PRKG1: variants seen among roughly 807,000 people sequenced by gnomAD.
PRKG1 encodes protein kinase cGMP-dependent 1.
PRKG1 carries 35 observed loss-of-function variants against 88.1 expected under a neutral mutation model. That is an observed-to-expected ratio of 0.40 (90% confidence interval 0.30 to 0.53). The LOEUF (loss-of-function observed/expected upper bound fraction) is 0.53, where lower values mean the gene tolerates loss of function less well. PRKG1 is among the 20% of genes least tolerant of loss of function. The pLI, the probability that PRKG1 is intolerant of heterozygous loss-of-function variation, is 0.59. For synonymous variants in PRKG1, 303 were observed against 292.5 expected, an observed-to-expected ratio of 1.04 and a Z score of -0.37; for missense variants, 540 against 839.8, an observed-to-expected ratio of 0.64 and a Z score of 4.41.
intron 3 of PRKG1, among the ~76,000 whole-genome samples, chr10:51,776,694 A>G (rs1264435896): frequency 2.0e-5 from 3 of 151,988 alleles, no homozygotes; most frequent in East Asian, 1.9e-4. Context: ...GTGTGGTGGG[A>G]CACACCTGTT....
At chr10:51,799,648 A>G (rs539453114) in intron 3 of PRKG1, among the ~76,000 whole-genome samples, 1 of 152,118 alleles carries the variant, frequency 6.6e-6, no homozygotes, top group South Asian at 2.1e-4. Flanking sequence ...CAGGGAACTC[A>G]GGGAAATGGC....
chr10:51,503,199 C>T (rs1302529700), intron 3 of PRKG1, among the ~76,000 whole-genome samples: 1 of 152,100 alleles, frequency 6.6e-6, no homozygotes, highest in Non-Finnish European at 1.5e-5. Context: ...CTCACTCTGC[C>T]ACCATCATCT....
chr10:51,094,523 C>T (rs1287098902), intron 1 of PRKG1, among the ~76,000 whole-genome samples: 1 of 151,880 alleles, frequency 6.6e-6, no homozygotes, highest in Non-Finnish European at 1.5e-5. Flanking sequence ...CTTTGGATCC[C>T]AGTGTGCTTT....
intron 5 of PRKG1, among the ~76,000 whole-genome samples, chr10:51,920,366 C>T (rs1195766924): frequency 6.6e-6 from 1 of 152,120 alleles, no homozygotes; most frequent in Non-Finnish European, 1.5e-5. Flanking sequence ...GAGAGCTGAA[C>T]TGTTGTCAGT....
chr10:52,041,670 T>C (rs897128051), intron 5 of PRKG1, among the ~76,000 whole-genome samples: 1 of 152,178 alleles, frequency 6.6e-6, no homozygotes, highest in Non-Finnish European at 1.5e-5. Context: ...GGCCTGTTTA[T>C]ATTTGCTATT....
intron 3 of PRKG1, among the ~76,000 whole-genome samples, chr10:51,776,814 G>A (rs1240198179): frequency 6.6e-6 from 1 of 152,112 alleles, no homozygotes; most frequent in African/African-American, 2.4e-5. Context: ...GACAGAGCAA[G>A]ACTCTGTCTC....
intron 4 of PRKG1, among the ~76,000 whole-genome samples, chr10:51,874,784 C>T (rs1373483466): frequency 6.6e-6 from 1 of 152,144 alleles, no homozygotes; most frequent in Non-Finnish European, 1.5e-5. Context: ...CACTTACCAG[C>T]TGTTTGGGAA....
intron 7 of PRKG1, among the ~76,000 whole-genome samples, chr10:52,073,566 C>A (rs1465845564): frequency 6.6e-6 from 1 of 152,152 alleles, no homozygotes; most frequent in African/African-American, 2.4e-5. Context: ...TTTGTAGTAA[C>A]ATTTTGTAAT....
chr10:51,211,334 C>T (rs1444342891), intron 2 of PRKG1, among the ~76,000 whole-genome samples: 1 of 152,134 alleles, frequency 6.6e-6, no homozygotes, highest in Non-Finnish European at 1.5e-5. Flanking sequence ...TAAGAGCTAT[C>T]TATGACAAAC....
chr10:51,748,686 GCTACAAAT>G (rs1837641373), intron 3 of PRKG1, among the ~76,000 whole-genome samples: 1 of 152,140 alleles, frequency 6.6e-6, no homozygotes, highest in Non-Finnish European at 1.5e-5. Flanking sequence ...TGAAAATAAT[GCTACAAAT>G]CTTTTGAAGT....
intron 5 of PRKG1, among the ~76,000 whole-genome samples, chr10:52,042,559 T>G (rs571371198): frequency 6.6e-6 from 1 of 152,142 alleles, no homozygotes; most frequent in African/African-American, 2.4e-5. Flanking sequence ...TCTCACCATA[T>G]GCAAAAATGA....
intron 8 of PRKG1, among the ~76,000 whole-genome samples, chr10:52,150,778 C>T (rs1476765152): frequency 6.6e-6 from 1 of 152,130 alleles, no homozygotes; most frequent in Non-Finnish European, 1.5e-5. Flanking sequence ...TTTAGGATTT[C>T]ACTTTCAAGT....
chr10:51,600,769 C>T (rs1384419731), intron 3 of PRKG1, among the ~76,000 whole-genome samples: 2 of 152,248 alleles, frequency 1.3e-5, no homozygotes, highest in East Asian at 1.9e-4. Context: ...TGACTAGTGG[C>T]TACCATATTA....
chr10:51,568,598 G>T (rs1468584685), intron 3 of PRKG1: 2 of 151,914 alleles, frequency 1.3e-5, no homozygotes, highest in Middle Eastern at 3.4e-3. Flanking sequence ...TAGAAAATAG[G>T]GAACCTTCGT....
intron 9 of PRKG1, among the ~76,000 whole-genome samples, chr10:52,227,407 T>G (rs1042623198): frequency 6.6e-6 from 1 of 152,176 alleles, no homozygotes; most frequent in Non-Finnish European, 1.5e-5. Context: ...GTGCTGAACA[T>G]GTACATACTT....
At position 51,481,213 on chromosome 10, in the gene PRKG1, G is replaced by A. The variant is rs528683338; in HGVS notation, c.592+13377G>A. Among the ~76,000 whole-genome samples, 55 of 103,866 alleles carry A rather than the reference G, an allele frequency of 5.3e-4. 1 individual carries two copies. The highest frequency in any genetic ancestry group is 1.4e-3 in the African/African-American group (43 of 30,080). The allele number at this position is 103,866 out of a possible 152,430, so 68.1% of individuals were successfully genotyped here. Reference sequence around the variant, plus strand: ...CCTCCCTCTCTCCCTCCCTCCTTTCGTTCCTTCCTTCCTTCCTTCTTTCTT... The same window carrying A: ...CCTCCCTCTCTCCCTCCCTCCTTTCATTCCTTCCTTCCTTCCTTCTTTCTT... On this transcript the variant is annotated intron_variant, in intron 3 of 17. Coordinates refer to ENST00000373980, the MANE Select transcript of PRKG1 (RefSeq NM_006258.4).
At chr10:51,655,182 C>A (rs966732167) in intron 3 of PRKG1, among the ~76,000 whole-genome samples, 5 of 152,106 alleles carry the variant, frequency 3.3e-5, no homozygotes, top group South Asian at 2.1e-4. Context: ...CCTGGAAGAA[C>A]TTTACTTTGT....
At chr10:51,579,008 T>TTTTTTTTTA (rs1837961868) in intron 3 of PRKG1, among the ~76,000 whole-genome samples, 1 of 143,458 alleles carries the variant, frequency 7.0e-6, no homozygotes, top group African/African-American at 2.6e-5. Context: ...TTTTTTTTTT[T>TTTTTTTTTA]AGACAGAGTC....
At chr10:51,413,127 G>A (rs1469083625) in intron 2 of PRKG1, among the ~76,000 whole-genome samples, 1 of 152,194 alleles carries the variant, frequency 6.6e-6, no homozygotes, top group African/African-American at 2.4e-5. Flanking sequence ...AATTCAAAAT[G>A]ACAAATATGA....
Sources: allele counts gnomAD v4.1 joint callset (sites outside exome capture counted in the v4.1 genomes callset), GRCh38; gene constraint gnomAD v4.1.1; transcripts MANE v1.5; gene names NCBI Gene and HGNC (gene_info 2026-07-23, HGNC 2026-07-21).